The following MAP2K6 variants were observed in gnomAD, a reference collection of about 807,000 sequenced individuals.
MAP2K6 encodes the protein dual specificity mitogen-activated protein kinase kinase 6.
Under a neutral mutation model 53.7 loss-of-function variants are expected in MAP2K6, and 16 were observed. That is an observed-to-expected ratio of 0.30 (90% CI 0.20 to 0.45). MAP2K6 has a LOEUF of 0.45. Ranked by LOEUF, MAP2K6 falls within the 20% of genes least tolerant of loss-of-function variation. MAP2K6 has a pLI of 1.00. For missense variants in MAP2K6, 204 were observed against 411.9 expected (o/e 0.50, Z 4.37); for synonymous variants, 132 against 143.1 (o/e 0.92, Z 0.55).
chr17:69,446,079 G>C (rs1007730810), intron 1 of MAP2K6, among the ~76,000 whole-genome samples: 1 of 152,172 alleles, frequency 6.6e-6, no homozygotes, highest in African/African-American at 2.4e-5. Flanking sequence ...TTTTTACCCT[G>C]CAATAAAGGT....
intron 1 of MAP2K6, among the ~76,000 whole-genome samples, chr17:69,484,028 T>C (rs1189144425): frequency 2.0e-5 from 3 of 152,120 alleles, no homozygotes; most frequent in African/African-American, 7.2e-5. Context: ...AACCTTGGAT[T>C]TGTCAACGAT....
intron 1 of MAP2K6, among the ~76,000 whole-genome samples, chr17:69,474,622 G>A (rs560672662): frequency 3.3e-5 from 5 of 152,332 alleles, no homozygotes; most frequent in African/African-American, 1.2e-4. Context: ...AACTGTTGAA[G>A]AAGCCCTAGA....
rs1031988685 is a variant in MAP2K6, at chr17:69,543,339, G to T, written c.*1586G>T. 1.3e-5 allele frequency: 2 copies of T among 152,130 alleles called. No homozygotes were observed. The highest frequency in any genetic ancestry group is 2.9e-5 in the Non-Finnish European group (2 of 68,018). 9.4% of individuals were successfully genotyped at this position (152,130 alleles called of 1,614,324 possible). A position where few individuals can be genotyped will look rare whatever the true frequency, so the allele number is the denominator to read the frequency against. The stretch of plus-strand genomic sequence containing the variant: ...CTTCCTTCCCCTTTTAGATTTTGAA[G>T]TGCAATCATATGTTTTTCTCTGTTT... On this transcript the variant is annotated 3_prime_UTR_variant, in exon 12 of 12. Coordinates refer to ENST00000590474, the MANE Select transcript of MAP2K6 (RefSeq NM_002758.4).
intron 1 of MAP2K6, among the ~76,000 whole-genome samples, chr17:69,463,633 C>CACATATATGTATATACATACATACACAT (rs1249538823): frequency 1.3e-5 from 2 of 150,520 alleles, no homozygotes; most frequent in East Asian, 1.9e-4. Context: ...TATACACACA[C>CACATATATGTATATACATACATACACAT]ACATATATGT....
At chr17:69,427,509 T>C (rs1362552660) in intron 1 of MAP2K6, among the ~76,000 whole-genome samples, 1 of 152,226 alleles carries the variant, frequency 6.6e-6, no homozygotes, top group Non-Finnish European at 1.5e-5. Flanking sequence ...TTTATTATTT[T>C]GGTTTCAAAA....
intron 1 of MAP2K6, among the ~76,000 whole-genome samples, chr17:69,447,336 A>AT (rs1266110506): frequency 1.3e-5 from 2 of 151,580 alleles, no homozygotes; most frequent in South Asian, 2.1e-4. Context: ...TGGGAATTGG[A>AT]TTTTTTTAAT....
intron 1 of MAP2K6, among the ~76,000 whole-genome samples, chr17:69,479,418 C>T (rs975394124): frequency 1.3e-5 from 2 of 152,034 alleles, no homozygotes; most frequent in Non-Finnish European, 2.9e-5. Context: ...ATAAAATTAC[C>T]TTCAAGCTAT....
intron 1 of MAP2K6, chr17:69,435,647 C>T (rs1257525139): frequency 1.3e-5 from 2 of 151,648 alleles, no homozygotes; most frequent in Non-Finnish European, 2.9e-5. Flanking sequence ...TGGTTTAGAT[C>T]TGATGTTAGT....
intron 2 of MAP2K6, among the ~76,000 whole-genome samples, chr17:69,515,519 G>C (rs1055041016): frequency 2.6e-5 from 4 of 152,176 alleles, no homozygotes; most frequent in African/African-American, 9.7e-5. Flanking sequence ...GCCTTTCTCA[G>C]CTCCTAGTTG....
intron 1 of MAP2K6, among the ~76,000 whole-genome samples, chr17:69,488,332 A>G (rs1028164510): frequency 6.6e-6 from 1 of 152,208 alleles, no homozygotes; most frequent in Non-Finnish European, 1.5e-5. Context: ...GGGAACGTAA[A>G]TTAGTTCAGC....
intron 2 of MAP2K6, among the ~76,000 whole-genome samples, chr17:69,506,749 A>C (rs533414673): frequency 6.6e-6 from 1 of 152,324 alleles, no homozygotes; most frequent in African/African-American, 2.4e-5. Flanking sequence ...TGTTAAAGCC[A>C]CTGGTCCTTG....
rs2144886017 is a variant in MAP2K6 at position 69,546,537 on chromosome 17, T to C, written c.*4784T>C. The stretch of plus-strand genomic sequence containing the variant: ...GCTCAGAGAAACAATTCTGTTTCTC[T>C]TAAAAGTGTCTAACAAAACACTTTT... On this transcript the variant is annotated 3_prime_UTR_variant, in exon 12 of 12. Transcript: ENST00000590474. 1 of 152,352 alleles carries C rather than the reference T, an allele frequency of 6.6e-6. No individual in the cohort carries two copies. Among genetic ancestry groups the C allele is most frequent in the East Asian group, 1.9e-4 (1 of 5,194 alleles). 9.4% of individuals were successfully genotyped at this position (152,352 alleles called of 1,614,324 possible).
intron 1 of MAP2K6, among the ~76,000 whole-genome samples, chr17:69,439,659 T>C (rs1386113872): frequency 6.6e-6 from 1 of 152,224 alleles, no homozygotes; most frequent in Non-Finnish European, 1.5e-5. Flanking sequence ...CTTTGCTCTC[T>C]GTGCACCAAA....
In MAP2K6 at chr17:69,494,135, A is replaced by G. The variant is rs573934502; in HGVS notation, c.17-11645A>G. Among the ~76,000 whole-genome samples, 2 of 152,320 alleles carry G rather than the reference A, an allele frequency of 1.3e-5. No individual in the cohort carries two copies. Among genetic ancestry groups the G allele is most frequent in the South Asian group, 4.1e-4 (2 of 4,828 alleles). On this transcript the variant is annotated intron_variant, in intron 1 of 11. Coordinates refer to ENST00000590474, the MANE Select transcript of MAP2K6 (RefSeq NM_002758.4). The surrounding 1 kb of genome is among the most constrained non-coding windows in gnomAD (Gnocchi z 4.2). Reference sequence around the variant, plus strand: ...TCCAGTGGAAAAAACTACAGGACACATGGCCTGCATTTCTTCAACAAAATA... The same window carrying G: ...TCCAGTGGAAAAAACTACAGGACACGTGGCCTGCATTTCTTCAACAAAATA...
chr17:69,525,672 T>G (rs1367727602), intron 9 of MAP2K6, among the ~76,000 whole-genome samples: 1 of 152,098 alleles, frequency 6.6e-6, no homozygotes, highest in African/African-American at 2.4e-5. Context: ...TCAGATCTCG[T>G]GAGACTTTTT....
At chr17:69,527,710 C>T (rs1331766081) in intron 10 of MAP2K6, among the ~76,000 whole-genome samples, 1 of 152,102 alleles carries the variant, frequency 6.6e-6, no homozygotes, top group Non-Finnish European at 1.5e-5. Flanking sequence ...GGGAGGGGAG[C>T]CGTTCTGAGT....
chr17:69,427,242 G>T (rs879359623), intron 1 of MAP2K6, among the ~76,000 whole-genome samples: 1 of 152,108 alleles, frequency 6.6e-6, no homozygotes, highest in Non-Finnish European at 1.5e-5. Context: ...CCTGTTCAAT[G>T]TACTTTTGAA....
chr17:69,466,601 AAAGC>A (rs1210398159), intron 1 of MAP2K6, among the ~76,000 whole-genome samples: 5 of 152,234 alleles, frequency 3.3e-5, no homozygotes, highest in African/African-American at 1.2e-4. Context: ...TTTGCATTCC[AAAGC>A]AAAAGTGGAA....
chr17:69,531,665 A>G (rs1023950771), intron 10 of MAP2K6, among the ~76,000 whole-genome samples: 1 of 152,220 alleles, frequency 6.6e-6, no homozygotes, highest in Non-Finnish European at 1.5e-5. Context: ...AGAATTAACC[A>G]TATGAACGTA....
Sources: allele counts gnomAD v4.1 joint callset (sites outside exome capture counted in the v4.1 genomes callset), GRCh38; gene constraint gnomAD v4.1.1; non-coding constraint Gnocchi (gnomAD v3.1); transcripts MANE v1.5; gene names NCBI Gene and HGNC (gene_info 2026-07-23, HGNC 2026-07-21).